MPP2: variants seen among roughly 807,000 people sequenced by gnomAD.
MPP2 encodes the protein MAGUK p55 scaffold protein 2, also known as MAGUK p55 subfamily member 2.
A neutral mutation model predicts 58.5 loss-of-function variants in MPP2; 42 were observed. The observed-to-expected ratio is 0.72, with a 90% CI of 0.56 to 0.93. MPP2 has a LOEUF of 0.93. Among genes scored for constraint, MPP2 ranks in the 40% least tolerant of loss-of-function variants. MPP2 has a pLI of 0.00. For synonymous variants in MPP2, 300 were observed against 307.8 expected (o/e 0.97, Z 0.26); for missense variants, 632 against 760.4 (o/e 0.83, Z 1.99).
rs778483754 is a variant in MPP2 at position 43,904,413 on chromosome 17, C to T, written c.31+17G>A. The T allele has an allele frequency of 9.0e-5, 146 of 1,613,580 alleles. No individual in the cohort carries two copies. The highest frequency in any genetic ancestry group is 6.6e-4 in the Middle Eastern group (4 of 6,084). On this transcript the variant is annotated intron_variant, in intron 2 of 12. Coordinates refer to ENST00000269095, the MANE Select transcript of MPP2 (RefSeq NM_005374.5). ...CTGAACCACTGAAATAAGCTAACATCCTCACCCCCTTCTTACCAGTTTCAG... is the reference window on the plus strand; with the variant it reads ...CTGAACCACTGAAATAAGCTAACATTCTCACCCCCTTCTTACCAGTTTCAG...
intron 3 of MPP2, among the ~76,000 whole-genome samples, chr17:43,892,990 GGA>G (rs1355630901): frequency 9.7e-4 from 1 of 1,032 alleles, no homozygotes; most frequent in African/African-American, 3.1e-3. Context: ...TTTGATGGAT[GGA>G]TGGATGGATG....
intron 2 of MPP2, chr17:43,900,470 C>T: frequency 6.5e-7 from 1 of 1,531,506 alleles, no homozygotes; most frequent in Non-Finnish European, 8.8e-7. Context: ...CCCTTCCCTA[C>T]CTTCCCTCTG....
At chr17:43,891,243 G>A (rs1010867765) in intron 3 of MPP2, among the ~76,000 whole-genome samples, 2 of 152,156 alleles carry the variant, frequency 1.3e-5, no homozygotes, top group African/African-American at 2.4e-5. Context: ...ACTTCTGGCC[G>A]GGGTGGCTCA....
chr17:43,907,615 TGAG>T (rs1224383554), upstream of MPP2: 4 of 983,494 alleles, frequency 4.1e-6, no homozygotes, highest in Non-Finnish European at 2.4e-6. Context: ...AGAGGGGAGG[TGAG>T]GAGAACGCGG....
chr17:43,907,806 T>TTA, upstream of MPP2: 1 of 985,448 alleles, frequency 1.0e-6, no homozygotes, highest in East Asian at 1.1e-4. Flanking sequence ...CAAGGATCCC[T>TTA]TAAAGGGGCG....
intron 3 of MPP2, among the ~76,000 whole-genome samples, chr17:43,892,646 T>C (rs1471709432): frequency 6.6e-6 from 1 of 152,124 alleles, no homozygotes; most frequent in Non-Finnish European, 1.5e-5. Context: ...CCTTAGCCCA[T>C]TAGCCTCATA....
rs570696908 is a variant in MPP2 at position 43,879,232 on chromosome 17, T to G, written c.1482+43A>C. ...AGCTCAGGCCTGTCCCCCACCACCCTAGGCAGCTATCAGACCCCTCCCCCA... is the reference window on the plus strand; with the variant it reads ...AGCTCAGGCCTGTCCCCCACCACCCGAGGCAGCTATCAGACCCCTCCCCCA... On this transcript the variant is annotated intron_variant, in intron 12 of 12. Transcript: ENST00000269095. The surrounding 1 kb of genome is among the most constrained non-coding windows in gnomAD (Gnocchi z 4.1). 1.3e-6 allele frequency: 2 copies of G among 1,578,322 alleles called. No individual in the cohort carries two copies. Among genetic ancestry groups the G allele is most frequent in the Non-Finnish European group, 1.7e-6 (2 of 1,155,806 alleles).
intron 1 of MPP2, among the ~76,000 whole-genome samples, chr17:43,906,489 C>G (rs1413311010): frequency 6.6e-6 from 1 of 152,182 alleles, no homozygotes; most frequent in Admixed American, 6.5e-5. Context: ...CGCAGGCGAG[C>G]GGACCAGCAG....
chr17:43,881,230 G>C lies in MPP2; in HGVS notation c.919+14C>G, dbSNP rs751037540. 1.9e-6 allele frequency: 3 copies of C among 1,613,842 alleles called. No individual in the cohort carries two copies. Among genetic ancestry groups the C allele is most frequent in the South Asian group, 1.1e-5 (1 of 91,070 alleles). ...ATCCCAGATTGGAGGTGTGGGGTAGGGGGGACCTCCTACCTGAGTTTGGTG... is the reference window on the plus strand; with the variant it reads ...ATCCCAGATTGGAGGTGTGGGGTAGCGGGGACCTCCTACCTGAGTTTGGTG... On this transcript the variant is annotated intron_variant, in intron 8 of 12. Coordinates refer to ENST00000269095, the MANE Select transcript of MPP2 (RefSeq NM_005374.5).
intron 1 of MPP2, among the ~76,000 whole-genome samples, chr17:43,905,748 C>T (rs555848831): frequency 6.6e-6 from 1 of 152,208 alleles, no homozygotes; most frequent in African/African-American, 2.4e-5. Context: ...CACCTCCCCC[C>T]AAAAGAGGAT....
chr17:43,898,027 G>A (rs2047921279), intron 3 of MPP2, among the ~76,000 whole-genome samples: 1 of 152,228 alleles, frequency 6.6e-6, no homozygotes, highest in Non-Finnish European at 1.5e-5. Flanking sequence ...CACTCCACAA[G>A]CTGGCAGTCA....
At chr17:43,884,233 A>C (rs1184208880) in intron 3 of MPP2, 1 of 641,172 alleles carries the variant, frequency 1.6e-6, no homozygotes, top group Non-Finnish European at 2.8e-6. Context: ...TTGTCCCAAA[A>C]GTATCCTTTA....
At chr17:43,905,208 A>G (rs893389575) in intron 1 of MPP2, among the ~76,000 whole-genome samples, 3 of 152,196 alleles carry the variant, frequency 2.0e-5, no homozygotes, top group African/African-American at 7.2e-5. Context: ...AAATAATAAA[A>G]GAGTCCAGAA....
Position 43,881,635 on chromosome 17 carries a change from G to C in MPP2, c.682-46C>G, listed in dbSNP as rs376304117. ...AGGGTCGGGGGAAGGGTCAGCAGAA[G>C]GCTGCAGGTGGAGGTCTACCCCATG... is the stretch of plus-strand genomic sequence containing the variant. On this transcript the variant is annotated intron_variant, in intron 6 of 12. Coordinates refer to ENST00000269095, the MANE Select transcript of MPP2 (RefSeq NM_005374.5). 1.2e-5 allele frequency: 19 copies of C among 1,598,024 alleles called. No individual in the cohort carries two copies. In the African/African-American group the frequency reaches 2.1e-4, roughly 18 times the overall value.
intron 3 of MPP2, 26 bp from the exon 4 acceptor site, chr17:43,883,381 G>A (rs1208863957): frequency 6.2e-7 from 1 of 1,601,190 alleles, no homozygotes; most frequent in Admixed American, 1.7e-5. Flanking sequence ...GAACAGGTGG[G>A]GCTAGGAGCT....
Position 43,879,722 on chromosome 17 carries a change from G to T in MPP2, c.1353+60C>A, listed in dbSNP as rs535648909. The T allele has an allele frequency of 2.6e-5, 41 of 1,575,262 alleles. No individual in the cohort carries two copies. In the African/African-American group the frequency reaches 5.1e-4, roughly 20 times the overall value. On this transcript the variant is annotated intron_variant, in intron 11 of 12. Coordinates refer to ENST00000269095, the MANE Select transcript of MPP2 (RefSeq NM_005374.5). This position sits in a 1 kb window ranked among gnomAD's most constrained non-coding sequence, Gnocchi z 4.1. ...TGACAGGTGTCTGGAACTATATGGG[G>T]GAGCAATGAGGCAGCAGAGAGGACA...
intron 3 of MPP2, among the ~76,000 whole-genome samples, chr17:43,887,473 T>C (rs948388182): frequency 3.3e-5 from 5 of 151,882 alleles, no homozygotes; most frequent in Admixed American, 6.6e-5. Context: ...TGTTTTTTTT[T>C]TAAGGGAGGG....
intron 2 of MPP2, among the ~76,000 whole-genome samples, 180 bp downstream of exon 2, chr17:43,904,250 C>G (rs546283263): frequency 6.6e-6 from 1 of 152,330 alleles, no homozygotes; most frequent in East Asian, 1.9e-4. Context: ...CGTTCCAGCA[C>G]AGGAACCCAC....
At chr17:43,887,832 C>G (rs231513) in intron 3 of MPP2, among the ~76,000 whole-genome samples, 134,212 of 151,836 alleles carry the variant, frequency 0.88, 59,430 homozygotes, top group East Asian at 1. Context: ...TTAGGTGTGA[C>G]AATAGTAGTG....
Sources: gnomAD v4.1 joint callset for allele counts (sites outside exome capture counted in the v4.1 genomes callset) on GRCh38, gnomAD v4.1.1 for gene constraint, Gnocchi (gnomAD v3.1) non-coding constraint, MANE v1.5 for transcripts, NCBI Gene and HGNC (gene_info 2026-07-23, HGNC 2026-07-21) for gene names.